GPC6: variants seen among roughly 807,000 people sequenced by gnomAD.
GPC6 encodes the protein glypican 6.
A neutral mutation model predicts 55.2 loss-of-function variants in GPC6; 14 were observed. That is an observed-to-expected ratio of 0.25 (90% confidence interval 0.17 to 0.40). The LOEUF is 0.40. Ranked by LOEUF, GPC6 falls within the 10% of genes least tolerant of loss-of-function variation. The pLI is 1.00. For synonymous variants in GPC6, 278 were observed against 259.6 expected (o/e 1.07, Z -0.68); for missense variants, 641 against 708.5 (o/e 0.90, Z 1.08).
chr13:93,513,292 C>T (rs988962027), intron 1 of GPC6, among the ~76,000 whole-genome samples: 2 of 152,138 alleles, frequency 1.3e-5, no homozygotes, highest in Non-Finnish European at 2.9e-5. Flanking sequence ...TCCCCGGATG[C>T]CCCTGGGATG....
In GPC6 at chr13:93,549,770, C is replaced by CA. The variant is rs372065302; in HGVS notation, c.319+4360dup. Among the ~76,000 whole-genome samples, 78 of 144,380 alleles carry CA rather than the reference C, an allele frequency of 5.4e-4. 1 individual carries two copies. Among genetic ancestry groups the CA allele is most frequent in the Middle Eastern group, 7.1e-3 (2 of 280 alleles). The allele number at this position is 144,380 out of a possible 152,430, so 94.7% of individuals were successfully genotyped here. On this transcript the variant is annotated intron_variant, in intron 2 of 8. Transcript: ENST00000377047. ...GTGGAAGATTTGTTTTTAACTCCTA[C>CA]AAAAAAAAAAATTACCCACCTAAAT...
At chr13:94,308,457 C>T (rs1262990035) in intron 6 of GPC6, among the ~76,000 whole-genome samples, 1 of 152,170 alleles carries the variant, frequency 6.6e-6, no homozygotes, top group African/African-American at 2.4e-5. Flanking sequence ...CTACCTTTTG[C>T]ACCCCTCAAA....
intron 3 of GPC6, among the ~76,000 whole-genome samples, chr13:94,022,171 A>G (rs1472486962): frequency 2.0e-5 from 3 of 152,038 alleles, no homozygotes; most frequent in Non-Finnish European, 4.4e-5. Flanking sequence ...CATTTTGTAC[A>G]TTAGATCTTT....
At chr13:93,847,084 C>T (rs17253241) in intron 3 of GPC6, among the ~76,000 whole-genome samples, 5,237 of 152,130 alleles carry the variant, frequency 0.034, 268 homozygotes, top group East Asian at 0.17. Context: ...GGAACTCTAA[C>T]ATAAGTAACA....
At chr13:93,880,423 G>T (rs1283330126) in intron 3 of GPC6, among the ~76,000 whole-genome samples, 1 of 152,066 alleles carries the variant, frequency 6.6e-6, no homozygotes, top group Admixed American at 6.6e-5. Flanking sequence ...TGGGGACATG[G>T]ATGAAATTGG....
At chr13:94,178,839 A>G (rs543103714) in intron 4 of GPC6, among the ~76,000 whole-genome samples, 1 of 152,326 alleles carries the variant, frequency 6.6e-6, no homozygotes, top group South Asian at 2.1e-4. Context: ...GTGAGAGCAG[A>G]TGAGATGATG....
chr13:93,495,074 T>G (rs1409713006), intron 1 of GPC6, among the ~76,000 whole-genome samples: 4 of 115,128 alleles, frequency 3.5e-5, no homozygotes, highest in Non-Finnish European at 5.5e-5. Context: ...TTGGCCTGCC[T>G]TGCTAGATTG....
chr13:93,980,962 G>T (rs1011291456), intron 3 of GPC6, among the ~76,000 whole-genome samples: 1 of 152,158 alleles, frequency 6.6e-6, no homozygotes, highest in Non-Finnish European at 1.5e-5. Context: ...TGTTTTTAGA[G>T]AATGTGACCA....
intron 3 of GPC6, among the ~76,000 whole-genome samples, chr13:93,894,179 C>T (rs1179930389): frequency 1.3e-5 from 2 of 152,126 alleles, no homozygotes; most frequent in East Asian, 1.9e-4. Flanking sequence ...TTGGGGTGCC[C>T]TTTAGGAATT....
intron 7 of GPC6, among the ~76,000 whole-genome samples, chr13:94,397,600 A>T (rs1367884225): frequency 6.6e-6 from 1 of 152,210 alleles, no homozygotes; most frequent in Non-Finnish European, 1.5e-5. Flanking sequence ...CAGGTTTTTC[A>T]TATCCAGAAT....
At position 93,961,750 on chromosome 13, in the gene GPC6, T is replaced by A. The variant is rs78935507; in HGVS notation, c.712-65979T>A. On this transcript the variant is annotated intron_variant, in intron 3 of 8. Coordinates refer to ENST00000377047, the MANE Select transcript of GPC6 (RefSeq NM_005708.5). ...AGGAGACTTGAAAGTTTAGTTTGAT[T>A]GCAGTGCAGCCAACTTCATATGTTT... Among the ~76,000 whole-genome samples, 298 of 152,308 alleles carry A rather than the reference T, an allele frequency of 2.0e-3. 1 individual carries two copies. Among genetic ancestry groups the A allele is most frequent in the African/African-American group, 7.0e-3 (290 of 41,580 alleles).
chr13:93,516,132 A>G (rs1277651783), intron 1 of GPC6, among the ~76,000 whole-genome samples: 1 of 152,186 alleles, frequency 6.6e-6, no homozygotes, highest in East Asian at 1.9e-4. Flanking sequence ...TTGAAATCTT[A>G]AAAGCCAGTG....
At chr13:93,504,492 T>TTG (rs1445692280) in intron 1 of GPC6, among the ~76,000 whole-genome samples, 1 of 150,804 alleles carries the variant, frequency 6.6e-6, no homozygotes, top group African/African-American at 2.4e-5. Flanking sequence ...GTTTTTTTTT[T>TTG]TTTTTTTCTG....
chr13:93,823,141 G>A (rs1887115581), intron 2 of GPC6, among the ~76,000 whole-genome samples: 1 of 151,952 alleles, frequency 6.6e-6, no homozygotes, highest in Non-Finnish European at 1.5e-5. Flanking sequence ...GGGATTACAG[G>A]CATGAGCCAC....
intron 3 of GPC6, among the ~76,000 whole-genome samples, chr13:93,846,639 C>T (rs1267406699): frequency 6.6e-6 from 1 of 152,166 alleles, no homozygotes; most frequent in Non-Finnish European, 1.5e-5. Flanking sequence ...ATGGTGAAAC[C>T]TGTCTCTACT....
chr13:93,625,158 T>C (rs1879150048), intron 2 of GPC6, among the ~76,000 whole-genome samples: 1 of 152,208 alleles, frequency 6.6e-6, no homozygotes, highest in South Asian at 2.1e-4. Flanking sequence ...TTTTTTATTT[T>C]AGAGTGAGTT....
intron 1 of GPC6, among the ~76,000 whole-genome samples, chr13:93,281,236 T>C (rs1236414828): frequency 1.3e-5 from 2 of 152,200 alleles, no homozygotes; most frequent in Non-Finnish European, 2.9e-5. Context: ...TTTTTTGTTG[T>C]TGTTTTTTAA....
intron 1 of GPC6, among the ~76,000 whole-genome samples, chr13:93,239,636 G>C (rs4773724): frequency 6.6e-6 from 1 of 150,938 alleles, no homozygotes; most frequent in African/African-American, 2.4e-5. Flanking sequence ...GTTTTGTTTA[G>C]TTCTGGTCTG....
In GPC6 at chr13:94,065,333, G is replaced by T. The variant is rs7338921; in HGVS notation, c.877+37439G>T. On this transcript the variant is annotated intron_variant, in intron 4 of 8. Coordinates refer to ENST00000377047, the MANE Select transcript of GPC6 (RefSeq NM_005708.5). Reference sequence around the variant, plus strand: ...TAAAAATGAATGCTAGGCACTCAGTGCTCACTCTATGATGAGAGTATGCTG... The same window carrying T: ...TAAAAATGAATGCTAGGCACTCAGTTCTCACTCTATGATGAGAGTATGCTG... Among the ~76,000 whole-genome samples, 507 of 152,274 alleles carry T rather than the reference G, an allele frequency of 3.3e-3. 6 individuals carry two copies. The highest frequency in any genetic ancestry group is 0.012 in the African/African-American group (494 of 41,562).
Sources: gnomAD v4.1 joint callset for allele counts (sites outside exome capture counted in the v4.1 genomes callset) on GRCh38, gnomAD v4.1.1 for gene constraint, MANE v1.5 for transcripts, NCBI Gene and HGNC (gene_info 2026-07-23, HGNC 2026-07-21) for gene names.